The following CACNA1C variants were observed in gnomAD, a reference collection of about 807,000 sequenced individuals.
The protein encoded by CACNA1C is calcium voltage-gated channel subunit alpha1 C, also known as voltage-dependent L-type calcium channel subunit alpha-1C.
CACNA1C carries 30 observed loss-of-function variants against 229.0 expected under a neutral mutation model. The ratio of observed to expected loss-of-function variants is 0.13; its 90% CI spans 0.10 to 0.18. CACNA1C has a LOEUF of 0.18. Among genes scored for constraint, CACNA1C ranks in the 10% least tolerant of loss-of-function variants. CACNA1C has a pLI of 1.00. For missense variants in CACNA1C, 1,658 were observed against 2,845.0 expected (o/e 0.58, Z 9.49); for synonymous variants, 1,114 against 1,132.5 (o/e 0.98, Z 0.33).
rs184517083 is a variant in CACNA1C at position 2,417,717 on chromosome 12, C to T, written c.478-31259C>T. Among the ~76,000 whole-genome samples the T allele has an allele frequency of 4.1e-3, 624 of 152,194 alleles. 2 individuals are homozygous for T. Among genetic ancestry groups the T allele is most frequent in the African/African-American group, 0.014 (597 of 41,540 alleles). ...GTTCTCATTCAGTTAAAAATCTCAT[C>T]TCCTTGAAAAGGCCCTTGAGAAGTG... On this transcript the variant is annotated intron_variant, in intron 3 of 46. Transcript: ENST00000399655.
intron 3 of CACNA1C, among the ~76,000 whole-genome samples, chr12:2,238,626 C>T (rs920134991): frequency 2.0e-5 from 3 of 152,244 alleles, no homozygotes; most frequent in African/African-American, 7.2e-5. Context: ...CAAGTGCCCT[C>T]TGAGAAGAGG....
chr12:2,238,236 A>G (rs979840863), intron 3 of CACNA1C, among the ~76,000 whole-genome samples: 6 of 152,224 alleles, frequency 3.9e-5, no homozygotes, highest in Admixed American at 6.5e-5. Context: ...ACTGGGATGT[A>G]TCTCCTGTGA....
chr12:2,473,404 C>T (rs1341242871), intron 5 of CACNA1C, among the ~76,000 whole-genome samples: 1 of 152,190 alleles, frequency 6.6e-6, no homozygotes, highest in East Asian at 1.9e-4. Flanking sequence ...TGTGCTTGAA[C>T]TGTAGCTCTT....
intron 3 of CACNA1C, among the ~76,000 whole-genome samples, chr12:2,282,009 T>A (rs1278950693): frequency 6.6e-6 from 1 of 152,202 alleles, no homozygotes; most frequent in African/African-American, 2.4e-5. Flanking sequence ...GTTCCTATAC[T>A]ATGTGTTTAT....
At chr12:2,031,114 G>T (rs1000323355) in intron 1 of CACNA1C, among the ~76,000 whole-genome samples, 5 of 152,170 alleles carry the variant, frequency 3.3e-5, no homozygotes, top group African/African-American at 9.6e-5. Context: ...AATAGATTTT[G>T]TTCTTTTGTA....
At chr12:2,491,633 A>AAGGAGGAGGAGG (rs567691310) in intron 6 of CACNA1C, among the ~76,000 whole-genome samples, 1 of 149,324 alleles carries the variant, frequency 6.7e-6, no homozygotes, top group Non-Finnish European at 1.5e-5. Flanking sequence ...AGAGGAGAAG[A>AAGGAGGAGGAGG]AGGAGGAGGA....
At chr12:2,257,077 G>T (rs776516002) in intron 3 of CACNA1C, among the ~76,000 whole-genome samples, 1 of 152,180 alleles carries the variant, frequency 6.6e-6, no homozygotes, top group East Asian at 1.9e-4. Context: ...TGCTGTCTTC[G>T]TTGGTGGCTT....
At chr12:2,237,555 G>C (rs983166750) in intron 3 of CACNA1C, among the ~76,000 whole-genome samples, 1 of 152,226 alleles carries the variant, frequency 6.6e-6, no homozygotes, top group Non-Finnish European at 1.5e-5. Flanking sequence ...AGATGCTTCA[G>C]AGTGTTGTAT....
chr12:2,542,002 C>T (rs935395604), intron 9 of CACNA1C, among the ~76,000 whole-genome samples: 1 of 152,108 alleles, frequency 6.6e-6, no homozygotes, highest in African/African-American at 2.4e-5. Flanking sequence ...TCCCCATCCT[C>T]CTGCCAGTCT....
chr12:2,244,474 C>T (rs770392427), intron 3 of CACNA1C, among the ~76,000 whole-genome samples: 11 of 152,250 alleles, frequency 7.2e-5, no homozygotes, highest in Non-Finnish European at 1.5e-4. Context: ...ACAGTCATCT[C>T]CTCCGGAAAC....
At position 2,585,360 on chromosome 12, in the gene CACNA1C, G is replaced by A; in HGVS notation, c.2340-16G>A. The stretch of plus-strand genomic sequence containing the variant: ...AGTAAACAGCCATTTATTTTTTTCT[G>A]CTGCTGACTGGCCAGGACTGCCAGC... On this transcript the variant is annotated splice_polypyrimidine_tract_variant and intron_variant, in intron 16 of 46. Transcript: ENST00000399655. The surrounding 1 kb of genome is among the most constrained non-coding windows in gnomAD (Gnocchi z 4.1). 6.2e-7 allele frequency: 1 copy of A among 1,607,722 alleles called. No homozygotes were observed. Among genetic ancestry groups the A allele is most frequent in the South Asian group, 1.1e-5 (1 of 89,802 alleles).
At chr12:2,082,530 C>T (rs1395008298) in intron 1 of CACNA1C, among the ~76,000 whole-genome samples, 1 of 152,150 alleles carries the variant, frequency 6.6e-6, no homozygotes, top group Admixed American at 6.6e-5. Flanking sequence ...AATGCAGGAG[C>T]GATCATAGCA....
chr12:2,291,017 C>G (rs1381972107), intron 3 of CACNA1C, among the ~76,000 whole-genome samples: 1 of 152,172 alleles, frequency 6.6e-6, no homozygotes, highest in Admixed American at 6.5e-5. Flanking sequence ...TTCAAATCCC[C>G]AGTTCTACCA....
chr12:2,664,143 T>C (rs1316176637), intron 34 of CACNA1C, among the ~76,000 whole-genome samples: 1 of 152,224 alleles, frequency 6.6e-6, no homozygotes, highest in East Asian at 1.9e-4. Flanking sequence ...AAAATTTAAG[T>C]TCTCAACCCA....
intron 3 of CACNA1C, among the ~76,000 whole-genome samples, chr12:2,179,426 G>A (rs767637531): frequency 2.2e-4 from 34 of 152,330 alleles, no homozygotes; most frequent in Non-Finnish European, 4.7e-4. Flanking sequence ...TGTTAGTGGA[G>A]TTAGCACCCT....
intron 3 of CACNA1C, among the ~76,000 whole-genome samples, chr12:2,332,031 C>T (rs2096564027): frequency 6.6e-6 from 1 of 152,140 alleles, no homozygotes; most frequent in African/African-American, 2.4e-5. Context: ...AGTTACAGTA[C>T]TGTGTCCATG....
At chr12:2,362,420 T>A (rs1419268020) in intron 3 of CACNA1C, among the ~76,000 whole-genome samples, 1 of 152,194 alleles carries the variant, frequency 6.6e-6, no homozygotes, top group African/African-American at 2.4e-5. Context: ...CCTTTACTCC[T>A]TCTGAATCCT....
chr12:2,673,277 A>C (rs1171474201), intron 38 of CACNA1C, among the ~76,000 whole-genome samples: 3 of 151,966 alleles, frequency 2.0e-5, no homozygotes, highest in African/African-American at 4.8e-5. Flanking sequence ...GGAGTTCGAG[A>C]CCAACATGGA....
chr12:2,566,426 T>C lies in CACNA1C; in HGVS notation c.1513T>C (p.Tyr505His). Reference sequence around the variant, plus strand: ...CTCTCCCTGTCCCCTTTCCAGCCGCTACTGGCGCCGGTGGAATCGGTTCTG... The same window carrying C: ...CTCTCCCTGTCCCCTTTCCAGCCGCCACTGGCGCCGGTGGAATCGGTTCTG... The part of the protein sequence containing the change: ...HRISKSKFSR[Y>H]WRRWNRFCRR... Residue 505 changes from tyrosine (Y) to histidine (H), a missense_variant, in exon 12 of 47, where the codon TAC (tyrosine) becomes CAC (histidine). Physicochemically the swap from Tyr to His is moderately conservative, Grantham distance 83. This residue lies in a region of CACNA1C where 149 missense variants were observed against 194.2 expected (regional missense o/e 0.77). Transcript: ENST00000399655. The surrounding 1 kb of genome is among the most constrained non-coding windows in gnomAD (Gnocchi z 4.0). 1 of 1,592,242 alleles carries C rather than the reference T, an allele frequency of 6.3e-7. No homozygotes were observed. The highest frequency in any genetic ancestry group is 1.1e-5 in the South Asian group (1 of 86,994).
Sources: allele counts gnomAD v4.1 joint callset (sites outside exome capture counted in the v4.1 genomes callset), GRCh38; gene constraint gnomAD v4.1.1; regional missense constraint gnomAD v4.1.1; non-coding constraint Gnocchi (gnomAD v3.1); transcripts MANE v1.5; gene names NCBI Gene and HGNC (gene_info 2026-07-23, HGNC 2026-07-21).